The following CELSR1 variants were observed in gnomAD, a reference collection of about 807,000 sequenced individuals.
CELSR1 encodes the protein cadherin EGF LAG seven-pass G-type receptor 1, also known as adhesion G protein-coupled receptor C1.
Under a neutral mutation model 249.1 loss-of-function variants are expected in CELSR1, and 110 were observed. That is an observed-to-expected ratio of 0.44 (90% confidence interval 0.38 to 0.52). CELSR1 has a LOEUF of 0.52. Among genes scored for constraint, CELSR1 ranks in the 20% least tolerant of loss-of-function variants. The probability of loss-of-function intolerance (pLI) is 0.00; values close to 1 mark genes in which losing one functional copy is unlikely to be tolerated. For missense variants in CELSR1, 4,109 were observed against 4,296.4 expected (o/e 0.96, Z 1.22); for synonymous variants, 2,113 against 1,900.0 (o/e 1.11, Z -2.92).
rs752335721 is a variant in CELSR1, at chr22:46,533,680, C to T, written c.3491G>A (p.Arg1164His). 17 of 1,608,076 alleles carry T rather than the reference C, an allele frequency of 1.1e-5. No homozygotes were observed. The highest frequency in any genetic ancestry group is 1.6e-4 in the Middle Eastern group (1 of 6,078). ...CAGCGGCCGGTTGTTGTCCAGGTCG[C>T]GGCTGAGCTGCAGTTCGCCCGTGGC... ...DPATGELQLS[R>H]DLDNNRPLEA... The change falls in exon 1 of 35, where the codon CGC becomes CAC. Residue 1164 changes from arginine (R) to histidine (H), a missense_variant. By Grantham distance (29) the Arg-to-His change is conservative (BLOSUM62 0). Around this residue, in one of 7 missense-constraint regions of CELSR1, gnomAD observed 886 missense variants for 896.5 expected, o/e 0.99. Transcript: ENST00000674500.
At chr22:46,466,752 A>C (rs917720486) in intron 1 of CELSR1, among the ~76,000 whole-genome samples, 1 of 152,210 alleles carries the variant, frequency 6.6e-6, no homozygotes, top group East Asian at 1.9e-4. Flanking sequence ...ATAAGATATT[A>C]ATGTGTTGCT....
chr22:46,392,808 C>T (rs1414001282), intron 14 of CELSR1, among the ~76,000 whole-genome samples: 2 of 152,182 alleles, frequency 1.3e-5, no homozygotes, highest in Non-Finnish European at 2.9e-5. Context: ...TCCCTCCTGC[C>T]TCGGCCTCCA....
rs2079713740 is a variant in CELSR1 at position 46,439,414 on chromosome 22, G to A, written c.4184-3C>T. ...GGCATCCACCTCACAGTGCTCTCCT[G>A]GGGGGCGAGAGGAAGATGCCAGAGA... On this transcript the variant is annotated splice_polypyrimidine_tract_variant and splice_region_variant and intron_variant, in intron 2 of 34. Coordinates refer to ENST00000674500, the MANE Select transcript of CELSR1 (RefSeq NM_001378328.1). 5 of 1,609,298 alleles carry A rather than the reference G, an allele frequency of 3.1e-6. No individual in the cohort carries two copies. Among genetic ancestry groups the A allele is most frequent in the Non-Finnish European group, 3.4e-6 (4 of 1,178,466 alleles).
At chr22:46,525,977 A>G (rs1305273306) in intron 1 of CELSR1, among the ~76,000 whole-genome samples, 2 of 152,294 alleles carry the variant, frequency 1.3e-5, no homozygotes, top group Non-Finnish European at 1.5e-5. Context: ...ACTTGCCCGG[A>G]GTTTCACCTG....
rs1055827436 is a variant in CELSR1 at position 46,430,159 on chromosome 22, A to G, written c.4611+3234T>C. Among the ~76,000 whole-genome samples, 5 of 152,216 alleles carry G rather than the reference A, an allele frequency of 3.3e-5. No individual in the cohort carries two copies. The highest frequency in any genetic ancestry group is 1.2e-4 in the African/African-American group (5 of 41,460). On this transcript the variant is annotated intron_variant, in intron 5 of 34. Transcript: ENST00000674500. This position sits in a 1 kb window ranked among gnomAD's most constrained non-coding sequence, Gnocchi z 4.6. ...AATGCAGGTGGCCCACACCTCAGAGACACAGCCACTCTGGAGGGCGGGGGA... is the reference window on the plus strand; with the variant it reads ...AATGCAGGTGGCCCACACCTCAGAGGCACAGCCACTCTGGAGGGCGGGGGA...
In CELSR1 at chr22:46,367,552, G is replaced by GCA. The variant is rs557884872; in HGVS notation, c.8079+175_8079+176dup. On this transcript the variant is annotated intron_variant, in intron 28 of 34. Coordinates refer to ENST00000674500, the MANE Select transcript of CELSR1 (RefSeq NM_001378328.1). Reference sequence around the variant, plus strand: ...CGTCCCCAGACACAGTGGGGAGGAGGCACCAGCCCCCGTGCCGGCTGCACA... The same window carrying GCA: ...CGTCCCCAGACACAGTGGGGAGGAGGCACACCAGCCCCCGTGCCGGCTGCACA... Among the ~76,000 whole-genome samples, 9 of 152,316 alleles carry GCA rather than the reference G, an allele frequency of 5.9e-5. No homozygotes were observed. In the East Asian group the frequency reaches 1.7e-3, roughly 29 times the overall value.
chr22:46,533,562 C>A lies in CELSR1; in HGVS notation c.3544+65G>T, dbSNP rs1214873935. On this transcript the variant is annotated intron_variant, in intron 1 of 34. Transcript: ENST00000674500. ...CCGGCATGCCAGGCGGAGCCCTTGG[C>A]GGGTTCCTGAGGCTCTCCAGGAGGC... is the stretch of plus-strand genomic sequence containing the variant. 1.4e-5 allele frequency: 21 copies of A among 1,500,120 alleles called. No homozygotes were observed. The East Asian group carries it at 4.3e-4, about 31-fold the overall frequency. 92.9% of individuals were successfully genotyped at this position (1,500,120 alleles called of 1,614,324 possible). A position where few individuals can be genotyped will look rare whatever the true frequency, so the allele number is the denominator to read the frequency against.
chr22:46,459,177 C>G (rs991624149), intron 2 of CELSR1, among the ~76,000 whole-genome samples: 1 of 152,128 alleles, frequency 6.6e-6, no homozygotes, highest in Admixed American at 6.5e-5. Context: ...TGTGAGCCAC[C>G]GTGCCCAGCC....
In CELSR1 at chr22:46,429,754, C is replaced by G. The variant is rs1022076159; in HGVS notation, c.4611+3639G>C. ...GGAGGGTCCCTGGTTAGCTGTGCCC[C>G]TCCTGGGTGGTCCGCAGCCCTCTCC... is the stretch of plus-strand genomic sequence containing the variant. On this transcript the variant is annotated intron_variant, in intron 5 of 34. Coordinates refer to ENST00000674500, the MANE Select transcript of CELSR1 (RefSeq NM_001378328.1). This position sits in a 1 kb window ranked among gnomAD's most constrained non-coding sequence, Gnocchi z 4.1. 1.3e-5 allele frequency among the ~76,000 whole-genome samples: 2 copies of G among 152,194 alleles called. No homozygotes were observed. Among genetic ancestry groups the G allele is most frequent in the Non-Finnish European group, 2.9e-5 (2 of 68,028 alleles).
In CELSR1 at chr22:46,518,087, T is replaced by C. The variant is rs914592095; in HGVS notation, c.3544+15540A>G. Among the ~76,000 whole-genome samples the C allele has an allele frequency of 1.2e-4, 18 of 152,106 alleles. No individual in the cohort carries two copies. The highest frequency in any genetic ancestry group is 4.3e-4 in the African/African-American group (18 of 41,402). On this transcript the variant is annotated intron_variant, in intron 1 of 34. Transcript: ENST00000674500. The surrounding 1 kb of genome is among the most constrained non-coding windows in gnomAD (Gnocchi z 5.2). The stretch of plus-strand genomic sequence containing the variant: ...CCGGGTAATTTTTTTGTGTTTTTAG[T>C]AGAGATGGGGTTTCTCCATGTTGGT...
intron 1 of CELSR1, among the ~76,000 whole-genome samples, chr22:46,522,444 CTG>C (rs959999459): frequency 1.9e-4 from 29 of 152,284 alleles, no homozygotes; most frequent in African/African-American, 6.0e-4. Flanking sequence ...ACTAATGACT[CTG>C]AGCATCTTTT....
rs772559397 is a variant in CELSR1 at position 46,536,096 on chromosome 22, G to C, written c.1075C>G (p.Arg359Gly). 48 of 1,611,958 alleles carry C rather than the reference G, an allele frequency of 3.0e-5. No individual in the cohort carries two copies. In the Admixed American group the frequency reaches 7.8e-4, roughly 26 times the overall value. Residue 359 changes from arginine to glycine, a missense_variant, in exon 1 of 35, where the codon CGC becomes GGC. By Grantham distance (125) the Arg-to-Gly change is moderately radical (BLOSUM62 -2). Coordinates refer to ENST00000674500, the MANE Select transcript of CELSR1 (RefSeq NM_001378328.1). ...HSPVFEQSEY[R>G]ERVRENLEVG... ...TCCAGGTTCTCCCGCACGCGCTCGC[G>C]GTACTCCGACTGCTCGAAGACCGGG...
At position 46,454,338 on chromosome 22, in the gene CELSR1, A is replaced by C. The variant is rs780348540; in HGVS notation, c.4183+9369T>G. Among the ~76,000 whole-genome samples, 2 of 152,172 alleles carry C rather than the reference A, an allele frequency of 1.3e-5. No homozygotes were observed. The highest frequency in any genetic ancestry group is 2.9e-5 in the Non-Finnish European group (2 of 68,032). On this transcript the variant is annotated intron_variant, in intron 2 of 34. Coordinates refer to ENST00000674500, the MANE Select transcript of CELSR1 (RefSeq NM_001378328.1). This position sits in a 1 kb window ranked among gnomAD's most constrained non-coding sequence, Gnocchi z 5.1. The stretch of plus-strand genomic sequence containing the variant: ...CGTGTGTGGAAATGTTACAGCGGCC[A>C]CAGGAGACTCGTGCAGGGGTGAGCG...
Position 46,518,241 on chromosome 22 carries a change from G to A in CELSR1, c.3544+15386C>T, listed in dbSNP as rs1350682181. Among the ~76,000 whole-genome samples the A allele has an allele frequency of 1.3e-5, 2 of 152,158 alleles. No homozygotes were observed. Among genetic ancestry groups the A allele is most frequent in the Non-Finnish European group, 2.9e-5 (2 of 68,036 alleles). ...TCCCCTTTCTAAAGGACATCTCAAA[G>A]CACAGCGCGGCCCCTCAGCACAGAC... On this transcript the variant is annotated intron_variant, in intron 1 of 34. Transcript: ENST00000674500. The surrounding 1 kb of genome is among the most constrained non-coding windows in gnomAD (Gnocchi z 5.2).
chr22:46,419,436 C>T (rs983836080), intron 5 of CELSR1, among the ~76,000 whole-genome samples: 2 of 152,126 alleles, frequency 1.3e-5, no homozygotes, highest in African/African-American at 4.8e-5. Context: ...AATCCTAATG[C>T]TACTCCCAGC....
chr22:46,496,691 CA>C (rs2080417593), intron 1 of CELSR1, among the ~76,000 whole-genome samples: 1 of 151,682 alleles, frequency 6.6e-6, no homozygotes, highest in Non-Finnish European at 1.5e-5. Context: ...TAGGCCTATG[CA>C]GGGTTAGGAT....
chr22:46,476,285 G>C (rs144233562), intron 1 of CELSR1, among the ~76,000 whole-genome samples: 5 of 152,162 alleles, frequency 3.3e-5, no homozygotes, highest in African/African-American at 9.6e-5. Context: ...TCATACAATG[G>C]AATATTATTC....
Position 46,511,867 on chromosome 22 carries a change from C to CGGTCA in CELSR1, c.3544+21755_3544+21759dup, listed in dbSNP as rs2080577427. Among the ~76,000 whole-genome samples the CGGTCA allele has an allele frequency of 2.0e-5, 3 of 152,262 alleles. No homozygotes were observed. The South Asian group carries it at 6.2e-4, about 32-fold the overall frequency. Reference sequence around the variant, plus strand: ...GGCTACCAGCTCTGTAAACATCCCTCGGTCATTAGACACAATGACCCGCCT... The same window carrying CGGTCA: ...GGCTACCAGCTCTGTAAACATCCCTCGGTCAGGTCATTAGACACAATGACCCGCCT... On this transcript the variant is annotated intron_variant, in intron 1 of 34. Transcript: ENST00000674500.
chr22:46,368,620 GC>G (rs1420374551), intron 27 of CELSR1, among the ~76,000 whole-genome samples: 5 of 140,328 alleles, frequency 3.6e-5, no homozygotes, highest in Non-Finnish European at 4.4e-5. Context: ...TCTGACAGAT[GC>G]CCCCGTCAAC....
Sources: allele counts gnomAD v4.1 joint callset (sites outside exome capture counted in the v4.1 genomes callset), GRCh38; gene constraint gnomAD v4.1.1; regional missense constraint gnomAD v4.1.1; non-coding constraint Gnocchi (gnomAD v3.1); transcripts MANE v1.5; gene names NCBI Gene and HGNC (gene_info 2026-07-23, HGNC 2026-07-21).